Variants in ENPP3 observed in about 807,000 individuals in gnomAD.
The protein encoded by ENPP3 is ectonucleotide pyrophosphatase/phosphodiesterase 3.
In ENPP3, 104 loss-of-function variants were observed where a neutral mutation model predicts 117.8. The ratio of observed to expected loss-of-function variants is 0.88; its 90% CI spans 0.75 to 1.04. ENPP3 has a LOEUF of 1.04. ENPP3 is among the 50% of genes least tolerant of loss of function. ENPP3 has a pLI of 0.00. For synonymous variants in ENPP3, 380 were observed against 349.9 expected (o/e 1.09, Z -0.96); for missense variants, 1,026 against 1,051.9 (o/e 0.98, Z 0.34).
chr6:131,691,602 G>C (rs1441465347), intron 14 of ENPP3, among the ~76,000 whole-genome samples: 1 of 147,808 alleles, frequency 6.8e-6, no homozygotes, highest in Non-Finnish European at 1.5e-5. Context: ...AAAAAAAAAA[G>C]AAAGAGAAAA....
intron 2 of ENPP3, among the ~76,000 whole-genome samples, chr6:131,647,670 C>G (rs1778179177): frequency 1.3e-5 from 2 of 152,030 alleles, no homozygotes; most frequent in South Asian, 2.1e-4. Context: ...AAATACTTGA[C>G]ATTATTTCAT....
At chr6:131,683,838 C>T (rs1465083810) in intron 12 of ENPP3, among the ~76,000 whole-genome samples, 1 of 150,324 alleles carries the variant, frequency 6.7e-6, no homozygotes, top group African/African-American at 2.5e-5. Context: ...GCAAGCTCTG[C>T]CTCCCGAGTT....
At position 131,650,028 on chromosome 6, in the gene ENPP3, C is replaced by T; in HGVS notation, c.156C>T (p.Gly52=). ...GGCCCTATTTCCTTTACTTTGTAGG[C>T]AGCTGCAGGAAGAAGTGCTTTGATG... The part of the protein sequence containing the change: ...GLGLRKLEKQ[G]SCRKKCFDAS... The change falls in exon 3 of 25, where the codon GGC becomes GGT. Residue 52 remains glycine (G), a splice_region_variant and synonymous_variant. Coordinates refer to ENST00000357639, the MANE Select transcript of ENPP3 (RefSeq NM_005021.5). 1 of 1,613,828 alleles carries T rather than the reference C, an allele frequency of 6.2e-7. No individual in the cohort carries two copies. The highest frequency in any genetic ancestry group is 8.5e-7 in the Non-Finnish European group (1 of 1,179,848).
intron 1 of ENPP3, among the ~76,000 whole-genome samples, chr6:131,639,023 T>C (rs1318091320): frequency 6.6e-6 from 1 of 151,892 alleles, no homozygotes; most frequent in African/African-American, 2.4e-5. Flanking sequence ...AATTGCATTA[T>C]TTTTTCACAC....
chr6:131,730,137 A>G (rs1780244613), intron 20 of ENPP3, among the ~76,000 whole-genome samples: 1 of 152,214 alleles, frequency 6.6e-6, no homozygotes, highest in Non-Finnish European at 1.5e-5. Context: ...CTTCAAGTAA[A>G]ACTTACTAAT....
At chr6:131,685,276 A>G (rs2114426005) in intron 12 of ENPP3, 88 bp from the exon 13 acceptor site, 1 of 1,162,740 alleles carries the variant, frequency 8.6e-7, no homozygotes, top group Non-Finnish European at 1.2e-6. Flanking sequence ...GATCTGTAAC[A>G]TAAAATGTCT....
At chr6:131,686,126 G>A (rs1779148492) in intron 14 of ENPP3, among the ~76,000 whole-genome samples, 2 of 152,178 alleles carry the variant, frequency 1.3e-5, no homozygotes, top group Non-Finnish European at 2.9e-5. Flanking sequence ...TGCAGTAATA[G>A]TAGCACTAAA....
intron 14 of ENPP3, among the ~76,000 whole-genome samples, chr6:131,690,892 A>G (rs2114443074): frequency 6.6e-6 from 1 of 152,124 alleles, no homozygotes; most frequent in African/African-American, 2.4e-5. Flanking sequence ...ATAGTTCAGC[A>G]TTTTCAACAT....
At chr6:131,646,227 AT>A (rs1403120220) in intron 2 of ENPP3, among the ~76,000 whole-genome samples, 2 of 146,784 alleles carry the variant, frequency 1.4e-5, no homozygotes, top group Admixed American at 1.3e-4. Context: ...TCTCTTTCTT[AT>A]TTTGTTGACG....
intron 3 of ENPP3, among the ~76,000 whole-genome samples, chr6:131,651,442 T>C (rs7741306): frequency 0.36 from 54,828 of 152,090 alleles, 14,076 homozygotes; most frequent in African/African-American, 0.73. Flanking sequence ...TCATTACATA[T>C]GTTTCAATGG....
chr6:131,665,402 A>G (rs1778596777), intron 6 of ENPP3, among the ~76,000 whole-genome samples: 1 of 152,088 alleles, frequency 6.6e-6, no homozygotes. Flanking sequence ...GATTTTAATT[A>G]TTGATTCAAT....
At chr6:131,692,704 T>C (rs1413069229) in intron 14 of ENPP3, among the ~76,000 whole-genome samples, 1 of 146,522 alleles carries the variant, frequency 6.8e-6, no homozygotes, top group Non-Finnish European at 1.5e-5. Flanking sequence ...ATATAATATA[T>C]AACCATATAT....
At chr6:131,689,533 A>G (rs1303995697) in intron 14 of ENPP3, among the ~76,000 whole-genome samples, 3 of 152,170 alleles carry the variant, frequency 2.0e-5, no homozygotes, top group Non-Finnish European at 4.4e-5. Flanking sequence ...TCTGCTCAGA[A>G]AAAAAGGTTC....
chr6:131,642,507 T>C (rs1011033829), intron 2 of ENPP3, among the ~76,000 whole-genome samples: 2 of 152,172 alleles, frequency 1.3e-5, no homozygotes, highest in Non-Finnish European at 2.9e-5. Flanking sequence ...TTTTTACATA[T>C]TGTTTTGTTA....
chr6:131,696,245 T>A lies in ENPP3; in HGVS notation c.1412+2621T>A, dbSNP rs1779402401. 2.0e-5 allele frequency among the ~76,000 whole-genome samples: 3 copies of A among 152,340 alleles called. No individual in the cohort carries two copies. In the South Asian group the frequency reaches 6.2e-4, roughly 32 times the overall value. ...TAGCTTTTAATTTTGGATCAGCAAC[T>A]GACAAATAAATTTCAGGCACCTTTT... On this transcript the variant is annotated intron_variant, in intron 15 of 24. Transcript: ENST00000357639.
At chr6:131,742,458 C>T (rs1438528578) in intron 24 of ENPP3, among the ~76,000 whole-genome samples, 1 of 152,120 alleles carries the variant, frequency 6.6e-6, no homozygotes, top group Non-Finnish European at 1.5e-5. Context: ...TATTAGGACT[C>T]TTGAAAATGA....
intron 15 of ENPP3, among the ~76,000 whole-genome samples, chr6:131,702,000 T>G (rs1320793344): frequency 2.3e-4 from 35 of 152,172 alleles, no homozygotes; most frequent in Non-Finnish European, 3.4e-4. Flanking sequence ...ATGTCACATA[T>G]TAATATATCC....
chr6:131,734,263 A>AT (rs1386126913), intron 21 of ENPP3, among the ~76,000 whole-genome samples: 139 of 152,288 alleles, frequency 9.1e-4, no homozygotes, highest in African/African-American at 3.3e-3. Context: ...GCCAAATGAA[A>AT]TTTAAGTTTT....
In ENPP3 at chr6:131,676,756, G is replaced by A. The variant is rs1778876652; in HGVS notation, c.893G>A (p.Arg298Lys). ...PYNGSVPFEE[R>K]ISTLLKWLDL... ...TTCAGAAGTGTCCCATTTGAAGAGA[G>A]GATTTCTACACTGTTAAAATGGCTG... Residue 298 changes from arginine to lysine, a missense_variant, in exon 10 of 25, where the codon AGG (arginine) becomes AAG (lysine). By Grantham distance (26) the Arg-to-Lys change is conservative. Coordinates refer to ENST00000357639, the MANE Select transcript of ENPP3 (RefSeq NM_005021.5). The A allele has an allele frequency of 1.2e-6, 2 of 1,609,372 alleles. No individual in the cohort carries two copies. The highest frequency in any genetic ancestry group is 1.7e-5 in the Admixed American group (1 of 59,952).
Sources: allele counts gnomAD v4.1 joint callset (sites outside exome capture counted in the v4.1 genomes callset), GRCh38; gene constraint gnomAD v4.1.1; transcripts MANE v1.5; gene names NCBI Gene and HGNC (gene_info 2026-07-23, HGNC 2026-07-21).